PLEKHM1: variants seen among roughly 807,000 people sequenced by gnomAD.
PLEKHM1 encodes pleckstrin homology and RUN domain containing M1.
A neutral mutation model predicts 94.3 loss-of-function variants in PLEKHM1; 28 were observed. The ratio of observed to expected loss-of-function variants is 0.30; its 90% CI spans 0.22 to 0.41. PLEKHM1 has a LOEUF of 0.41. PLEKHM1 is among the 10% of genes least tolerant of loss of function. The pLI, the probability that PLEKHM1 is intolerant of heterozygous loss-of-function variation, is 1.00. For synonymous variants in PLEKHM1, 424 were observed against 581.2 expected (o/e 0.73, Z 3.89); for missense variants, 907 against 1,358.6 (o/e 0.67, Z 5.22).
chr17:45,438,625 C>T (rs1020477838), intron 11 of PLEKHM1, among the ~76,000 whole-genome samples: 3 of 152,010 alleles, frequency 2.0e-5, no homozygotes, highest in South Asian at 2.1e-4. Flanking sequence ...GGCACGATCT[C>T]GGCTCACTGC....
downstream of PLEKHM1, among the ~76,000 whole-genome samples, chr17:45,434,916 C>T (rs1389434980): frequency 6.8e-6 from 1 of 146,416 alleles, no homozygotes; most frequent in Non-Finnish European, 1.5e-5. Context: ...TTGCAGTGAG[C>T]CAAGATCACG....
chr17:45,488,409 A>G lies in PLEKHM1; in HGVS notation c.-42+2243T>C, dbSNP rs142948337. Reference sequence around the variant, plus strand: ...TGAATGAATTGATTAATAAAATAAAAACAAGGCACGGGGTAAGTACCTCCA... The same window carrying G: ...TGAATGAATTGATTAATAAAATAAAGACAAGGCACGGGGTAAGTACCTCCA... On this transcript the variant is annotated intron_variant, in intron 1 of 11. Coordinates refer to ENST00000430334, the MANE Select transcript of PLEKHM1 (RefSeq NM_014798.3). 3.4e-3 allele frequency among the ~76,000 whole-genome samples: 521 copies of G among 152,304 alleles called. 1 individual carries two copies. Among genetic ancestry groups the G allele is most frequent in the African/African-American group, 0.012 (493 of 41,554 alleles).
chr17:45,446,382 A>T (rs376680044), intron 8 of PLEKHM1: 1 of 153,068 alleles, frequency 6.5e-6, no homozygotes, highest in African/African-American at 2.4e-5. Flanking sequence ...CGTTTTCTAG[A>T]TAAGGAAACG....
At chr17:45,477,579 T>C (rs960742837) in intron 3 of PLEKHM1, 16 of 426,694 alleles carry the variant, frequency 3.7e-5, no homozygotes, top group African/African-American at 2.4e-4. Flanking sequence ...GTTGTAACTA[T>C]GTAACTCTGC....
chr17:45,454,296 C>A (rs1370588898), intron 6 of PLEKHM1, 24 bp from the exon 7 acceptor site: 5 of 1,572,404 alleles, frequency 3.2e-6, no homozygotes, highest in Non-Finnish European at 4.3e-6. Context: ...CAAAAAGGGG[C>A]ACATTAGTTG....
chr17:45,481,767 T>A (rs1372426510), intron 2 of PLEKHM1, among the ~76,000 whole-genome samples: 1 of 151,650 alleles, frequency 6.6e-6, no homozygotes, highest in Non-Finnish European at 1.5e-5. Flanking sequence ...GAAAGGCACG[T>A]CTCTGAGAGC....
In PLEKHM1 at chr17:45,453,313, T is replaced by C. The variant is rs1222996590; in HGVS notation, c.2497+42A>G. 5 of 1,592,520 alleles carry C rather than the reference T, an allele frequency of 3.1e-6. No individual in the cohort carries two copies. The highest frequency in any genetic ancestry group is 2.3e-5 in the South Asian group (2 of 88,416). On this transcript the variant is annotated intron_variant, in intron 7 of 11. Coordinates refer to ENST00000430334, the MANE Select transcript of PLEKHM1 (RefSeq NM_014798.3). This position sits in a 1 kb window ranked among gnomAD's most constrained non-coding sequence, Gnocchi z 4.1. ...AATCAGGAACCAGCAGGAGGTGGAG[T>C]GAGGCTGGCAGGCTGGGGGTGGCAG...
At chr17:45,452,439 A>T (rs1362099806) in intron 7 of PLEKHM1, among the ~76,000 whole-genome samples, 1 of 147,910 alleles carries the variant, frequency 6.8e-6, no homozygotes, top group Non-Finnish European at 1.5e-5. Flanking sequence ...ACAAACAAAC[A>T]AACAAAAAAG....
chr17:45,481,211 G>A (rs1457556894), intron 2 of PLEKHM1, among the ~76,000 whole-genome samples: 1 of 152,088 alleles, frequency 6.6e-6, no homozygotes, highest in African/African-American at 2.4e-5. Context: ...TTGGAGAAGG[G>A]TCTATTTAAA....
chr17:45,453,247 G>T lies in PLEKHM1; in HGVS notation c.2497+108C>A, dbSNP rs1214822366. The T allele has an allele frequency of 1.1e-6, 1 of 906,734 alleles. No individual in the cohort carries two copies. Among genetic ancestry groups the T allele is most frequent in the Non-Finnish European group, 1.8e-6 (1 of 559,498 alleles). The allele number at this position is 906,734 out of a possible 1,614,324, so 56.2% of individuals were successfully genotyped here. ...TCTGTGGCCTCATCCCTAGGGGAAG[G>T]ATGGGGGCATTTGCGGGGAGGCAGA... On this transcript the variant is annotated intron_variant, in intron 7 of 11. Coordinates refer to ENST00000430334, the MANE Select transcript of PLEKHM1 (RefSeq NM_014798.3). This position sits in a 1 kb window ranked among gnomAD's most constrained non-coding sequence, Gnocchi z 4.1.
chr17:45,453,108 C>A lies in PLEKHM1; in HGVS notation c.2497+247G>T. On this transcript the variant is annotated intron_variant, in intron 7 of 11. Coordinates refer to ENST00000430334, the MANE Select transcript of PLEKHM1 (RefSeq NM_014798.3). This position sits in a 1 kb window ranked among gnomAD's most constrained non-coding sequence, Gnocchi z 4.1. ...AGCGCAGTGAGTAGCCAGCCTGCCGCCCATCAGTGGGAGGTGGCAGGAGAG... is the reference window on the plus strand; with the variant it reads ...AGCGCAGTGAGTAGCCAGCCTGCCGACCATCAGTGGGAGGTGGCAGGAGAG... 1.6e-6 allele frequency: 1 copy of A among 608,816 alleles called. No homozygotes were observed. The highest frequency in any genetic ancestry group is 2.9e-6 in the Non-Finnish European group (1 of 342,388). The allele number at this position is 608,816 out of a possible 1,614,324, so 37.7% of individuals were successfully genotyped here.
In PLEKHM1 at chr17:45,475,426, G is replaced by C; in HGVS notation, c.597C>G (p.Cys199Trp). 6.2e-7 allele frequency: 1 copy of C among 1,610,546 alleles called. No individual in the cohort carries two copies. The highest frequency in any genetic ancestry group is 1.3e-5 in the African/African-American group (1 of 75,036). The change falls in exon 4 of 12, where the codon TGC (cysteine) becomes TGG (tryptophan). Residue 199 changes from cysteine to tryptophan, a missense_variant. Around this residue, in one of 3 missense-constraint regions of PLEKHM1, gnomAD observed 176 missense variants for 306.0 expected, o/e 0.58. Transcript: ENST00000430334. ...AGAGAGGGTCCAGCTCAGAAAGCGGGCAAAGCCCAGACAGGGCCAATGGGG... is the reference window on the plus strand; with the variant it reads ...AGAGAGGGTCCAGCTCAGAAAGCGGCCAAAGCCCAGACAGGGCCAATGGGG... ...TLTPLALSGL[C>W]PLSELDPLST...
chr17:45,473,304 T>C (rs932215598), intron 4 of PLEKHM1, among the ~76,000 whole-genome samples: 1 of 152,002 alleles, frequency 6.6e-6, no homozygotes, highest in Admixed American at 6.6e-5. Flanking sequence ...AAAAAAAGAA[T>C]GAGGCTGGGC....
rs769830293 is a variant in PLEKHM1, at chr17:45,447,107, A to G, written c.2644-1444T>C. Among the ~76,000 whole-genome samples the G allele has an allele frequency of 9.2e-5, 14 of 152,146 alleles. 1 individual carries two copies. Among genetic ancestry groups the G allele is most frequent in the Non-Finnish European group, 2.9e-5 (2 of 68,018 alleles). On this transcript the variant is annotated intron_variant, in intron 8 of 11. Coordinates refer to ENST00000430334, the MANE Select transcript of PLEKHM1 (RefSeq NM_014798.3). Reference sequence around the variant, plus strand: ...CCTGGCAGGTGGCACATCCCCAGTAAATGTGAGCTGCTATCAGCTGCTGTG... The same window carrying G: ...CCTGGCAGGTGGCACATCCCCAGTAGATGTGAGCTGCTATCAGCTGCTGTG...
intron 5 of PLEKHM1, among the ~76,000 whole-genome samples, chr17:45,465,200 A>G (rs1265459943): frequency 6.6e-6 from 1 of 151,792 alleles, no homozygotes; most frequent in Non-Finnish European, 1.5e-5. Flanking sequence ...TGTATCATAG[A>G]GCTAATATTC....
At chr17:45,480,152 T>C (rs1158253249) in intron 2 of PLEKHM1, among the ~76,000 whole-genome samples, 2 of 152,190 alleles carry the variant, frequency 1.3e-5, no homozygotes, top group Non-Finnish European at 2.9e-5. Context: ...TCTAGTATAT[T>C]CACACAATTG....
At chr17:45,456,840 G>A (rs1174484401) in intron 6 of PLEKHM1, among the ~76,000 whole-genome samples, 6 of 152,212 alleles carry the variant, frequency 3.9e-5, no homozygotes, top group African/African-American at 1.4e-4. Context: ...GTTATTTAAG[G>A]CTTTCTGGAA....
chr17:45,462,268 T>G (rs575364230), intron 5 of PLEKHM1, among the ~76,000 whole-genome samples: 1 of 152,052 alleles, frequency 6.6e-6, no homozygotes, highest in Non-Finnish European at 1.5e-5. Context: ...CAGTGACAGA[T>G]GATGTGTCAG....
rs748127247 is a variant in PLEKHM1 at position 45,437,139 on chromosome 17, C to T, written c.*719G>A. The T allele has an allele frequency of 1.1e-4, 50 of 453,858 alleles. No individual in the cohort carries two copies. Among genetic ancestry groups the T allele is most frequent in the Admixed American group, 4.0e-4 (17 of 42,532 alleles). 28.1% of individuals were successfully genotyped at this position (453,858 alleles called of 1,614,324 possible). ...CCAGGCTAGAGAAGAGCTAGGGGCT[C>T]TGACGCTGAGAAAGCGGTGGGCTCA... is the stretch of plus-strand genomic sequence containing the variant. On this transcript the variant is annotated 3_prime_UTR_variant, in exon 12 of 12. Coordinates refer to ENST00000430334, the MANE Select transcript of PLEKHM1 (RefSeq NM_014798.3). This position sits in a 1 kb window ranked among gnomAD's most constrained non-coding sequence, Gnocchi z 4.0.
Sources: gnomAD v4.1 joint callset for allele counts (sites outside exome capture counted in the v4.1 genomes callset) on GRCh38, gnomAD v4.1.1 for gene constraint, gnomAD v4.1.1 regional missense constraint, Gnocchi (gnomAD v3.1) non-coding constraint, MANE v1.5 for transcripts, NCBI Gene and HGNC (gene_info 2026-07-23, HGNC 2026-07-21) for gene names.